The following METTL15 variants were observed in gnomAD, a reference collection of about 807,000 sequenced individuals.
METTL15 encodes 12S rRNA N(4)-cytidine methyltransferase METTL15.
In METTL15, 34 loss-of-function variants were observed where a neutral mutation model predicts 38.3. The ratio of observed to expected loss-of-function variants is 0.89; its 90% confidence interval spans 0.68 to 1.18. The LOEUF (loss-of-function observed/expected upper bound fraction) is 1.18, where lower values mean the gene tolerates loss of function less well. Ranked by LOEUF, METTL15 falls within the 50% of genes most tolerant of loss-of-function variation. The pLI is 0.00. For synonymous variants in METTL15, 162 were observed against 170.9 expected (o/e 0.95, Z 0.41); for missense variants, 438 against 498.4 (o/e 0.88, Z 1.15).
At chr11:28,296,248 GTA>G (rs1565232964) in intron 5 of METTL15, among the ~76,000 whole-genome samples, 3 of 152,072 alleles carry the variant, frequency 2.0e-5, no homozygotes, top group Admixed American at 6.6e-5. Context: ...CTGATCAGCA[GTA>G]TGTTTTTTAT....
At chr11:28,462,146 C>G (rs1851221474) in intron 6 of METTL15, among the ~76,000 whole-genome samples, 2 of 152,106 alleles carry the variant, frequency 1.3e-5, no homozygotes, top group East Asian at 3.9e-4. Flanking sequence ...TTAATTGTAC[C>G]TGTTAGGGCC....
In METTL15 at chr11:28,207,283, A is replaced by T. The variant is rs1189572008; in HGVS notation, c.271-3779A>T. On this transcript the variant is annotated intron_variant, in intron 3 of 6. Transcript: ENST00000407364. ...CTCTTATTATTTTGAGATACGTCCCATCAATACCTAATTTATTGAGAGTTT... is the reference window on the plus strand; with the variant it reads ...CTCTTATTATTTTGAGATACGTCCCTTCAATACCTAATTTATTGAGAGTTT... Among the ~76,000 whole-genome samples the T allele has an allele frequency of 3.9e-5, 6 of 152,030 alleles. No homozygotes were observed. The East Asian group carries it at 1.2e-3, about 29-fold the overall frequency.
chr11:28,313,978 G>A (rs570520248), intron 6 of METTL15, among the ~76,000 whole-genome samples: 13 of 152,014 alleles, frequency 8.6e-5, no homozygotes, highest in African/African-American at 2.7e-4. Context: ...CCTTTACTGG[G>A]CACTATTTCT....
At chr11:28,303,940 A>G (rs1856994093) in intron 6 of METTL15, among the ~76,000 whole-genome samples, 2 of 152,274 alleles carry the variant, frequency 1.3e-5, no homozygotes, top group Non-Finnish European at 1.5e-5. Context: ...TGTTCTGTGA[A>G]CTTGAGTAAG....
At chr11:28,273,109 C>T (rs1412051409) in intron 4 of METTL15, among the ~76,000 whole-genome samples, 1 of 151,956 alleles carries the variant, frequency 6.6e-6, no homozygotes. Flanking sequence ...AAGTAGTATA[C>T]TAGTATTATT....
chr11:28,171,938 C>T (rs1375323966), intron 3 of METTL15, among the ~76,000 whole-genome samples: 2 of 151,862 alleles, frequency 1.3e-5, no homozygotes, highest in African/African-American at 2.4e-5. Context: ...ACTACAGGCA[C>T]ATGCCACCAT....
intron 5 of METTL15, among the ~76,000 whole-genome samples, chr11:28,400,053 T>A (rs1490683794): frequency 6.6e-6 from 1 of 151,920 alleles, no homozygotes; most frequent in African/African-American, 2.4e-5. Flanking sequence ...TAGATCACCC[T>A]TTTCTTCTCC....
At chr11:28,194,067 A>G (rs899914726) in intron 3 of METTL15, among the ~76,000 whole-genome samples, 5 of 151,792 alleles carry the variant, frequency 3.3e-5, no homozygotes, top group Admixed American at 6.6e-5. Flanking sequence ...TAGCTCTGTC[A>G]TTTAACTTAC....
At chr11:28,314,717 A>C (rs1245966449) in intron 6 of METTL15, among the ~76,000 whole-genome samples, 1 of 152,176 alleles carries the variant, frequency 6.6e-6, no homozygotes, top group Non-Finnish European at 1.5e-5. Context: ...CCCCACTCAA[A>C]TCTCATCTTG....
chr11:28,257,605 GTAT>G (rs1301814572), intron 4 of METTL15, among the ~76,000 whole-genome samples: 1 of 151,900 alleles, frequency 6.6e-6, no homozygotes, highest in Non-Finnish European at 1.5e-5. Flanking sequence ...TCTCTTCTGT[GTAT>G]TATCAAATAG....
intron 6 of METTL15, among the ~76,000 whole-genome samples, chr11:28,307,378 T>C (rs1432965813): frequency 6.6e-6 from 1 of 152,094 alleles, no homozygotes; most frequent in East Asian, 1.9e-4. Flanking sequence ...AGATGCTCAA[T>C]CAATATTTCT....
chr11:28,207,946 T>G (rs540099491), intron 3 of METTL15, among the ~76,000 whole-genome samples: 31 of 152,184 alleles, frequency 2.0e-4, no homozygotes, highest in East Asian at 7.7e-4. Flanking sequence ...CTGTGGGATC[T>G]GTGGTGATAT....
At chr11:28,275,327 C>G (rs1314797191) in intron 4 of METTL15, among the ~76,000 whole-genome samples, 1 of 151,726 alleles carries the variant, frequency 6.6e-6, no homozygotes, top group Non-Finnish European at 1.5e-5. Flanking sequence ...GACTTATGAA[C>G]AACTTTATGC....
At chr11:28,212,644 A>G (rs1852689579) in intron 4 of METTL15, among the ~76,000 whole-genome samples, 1 of 152,196 alleles carries the variant, frequency 6.6e-6, no homozygotes, top group Admixed American at 6.5e-5. Context: ...AATACAAAGT[A>G]AATGCTGTTT....
intron 4 of METTL15, among the ~76,000 whole-genome samples, chr11:28,217,230 C>T (rs1852928121): frequency 6.6e-6 from 1 of 151,410 alleles, no homozygotes; most frequent in South Asian, 2.1e-4. Context: ...CCTGTTGTTT[C>T]CTGACTTTTT....
At chr11:28,138,150 C>T (rs753724071) in intron 3 of METTL15, among the ~76,000 whole-genome samples, 5 of 151,892 alleles carry the variant, frequency 3.3e-5, no homozygotes, top group Admixed American at 3.3e-4. Context: ...TTTGTGGCAC[C>T]TTCTCTGTTT....
At chr11:28,230,562 A>G (rs563402129) in intron 4 of METTL15, among the ~76,000 whole-genome samples, 18 of 152,066 alleles carry the variant, frequency 1.2e-4, no homozygotes, top group African/African-American at 3.9e-4. Flanking sequence ...ATTTAGAGAC[A>G]TATTTTATTA....
chr11:28,290,338 T>G lies in METTL15; in HGVS notation c.540T>G (p.Pro180=), dbSNP rs769276297. Residue 180 remains proline, a synonymous_variant, in exon 5 of 7, where the codon CCT becomes CCG. Coordinates refer to ENST00000407364, the MANE Select transcript of METTL15 (RefSeq NM_001113528.2). ...GTTCCTCCATGCAACTTGATACTCCTGAAAGAGGTTTTTCCCTTCGGAAAG... is the reference window on the plus strand; with the variant it reads ...GTTCCTCCATGCAACTTGATACTCCGGAAAGAGGTTTTTCCCTTCGGAAAG... ...LGCSSMQLDT[P]ERGFSLRKDG... is the part of the protein sequence containing the mutation. The G allele has an allele frequency of 1.9e-5, 31 of 1,613,492 alleles. No homozygotes were observed. The East Asian group carries it at 6.9e-4, about 36-fold the overall frequency.
chr11:28,502,447 A>G (rs1429543413), intron 6 of METTL15, among the ~76,000 whole-genome samples: 1 of 152,152 alleles, frequency 6.6e-6, no homozygotes, highest in African/African-American at 2.4e-5. Context: ...ACACAAACCC[A>G]TGGTGGGCTT....
Sources: allele counts gnomAD v4.1 joint callset (sites outside exome capture counted in the v4.1 genomes callset), GRCh38; gene constraint gnomAD v4.1.1; transcripts MANE v1.5; gene names NCBI Gene and HGNC (gene_info 2026-07-23, HGNC 2026-07-21).